The following QTGAL variants were observed in gnomAD, a reference collection of about 807,000 sequenced individuals.
QTGAL encodes the protein BGnT-like protein 1.
chr17:83,041,891 G>GT, the QTGAL span, among the ~76,000 whole-genome samples: 3 of 152,186 alleles, frequency 2.0e-5, no homozygotes, highest in Non-Finnish European at 4.4e-5. Context: ...GAAGAAGCAA[G>GT]TAAGAGATTC....
the QTGAL span, among the ~76,000 whole-genome samples, chr17:82,993,193 A>G: frequency 6.6e-6 from 1 of 152,180 alleles, no homozygotes; most frequent in African/African-American, 2.4e-5. Context: ...ATGGATTAAA[A>G]AACAAGACCC....
chr17:83,045,846 G>A, the QTGAL span, among the ~76,000 whole-genome samples: 2 of 145,228 alleles, frequency 1.4e-5, no homozygotes, highest in African/African-American at 5.7e-5. Context: ...ACGGAGTTTT[G>A]CTCTTGTTGC....
At chr17:83,007,502 A>T in the QTGAL span, among the ~76,000 whole-genome samples, 20,315 of 152,052 alleles carry the variant, frequency 0.13, 1,671 homozygotes, top group Admixed American at 0.19. Context: ...ACGTGAAGAC[A>T]GAGAGGCTCA....
At chr17:82,947,208 C>A in the QTGAL span, 3 of 532,728 alleles carry the variant, frequency 5.6e-6, no homozygotes, top group Non-Finnish European at 1.0e-5. Context: ...GAGGCCCCCC[C>A]TGCCTTCTGG....
chr17:82,969,145 A>G, the QTGAL span, among the ~76,000 whole-genome samples: 2 of 151,614 alleles, frequency 1.3e-5, no homozygotes, highest in South Asian at 2.1e-4. Context: ...AAAAAAAAAA[A>G]AAAAGAAAAG....
chr17:83,048,183 C>A, the QTGAL span, among the ~76,000 whole-genome samples: 1 of 152,172 alleles, frequency 6.6e-6, no homozygotes, highest in South Asian at 2.1e-4. Context: ...TGTGCCACTA[C>A]GCCCGGCTAA....
chr17:83,042,828 C>A, the QTGAL span, among the ~76,000 whole-genome samples: 1 of 152,302 alleles, frequency 6.6e-6, no homozygotes, highest in East Asian at 1.9e-4. Flanking sequence ...TCCAAAGGCA[C>A]AAGTAGGCTG....
At chr17:83,036,223 A>C in the QTGAL span, among the ~76,000 whole-genome samples, 1 of 152,236 alleles carries the variant, frequency 6.6e-6, no homozygotes, top group Non-Finnish European at 1.5e-5. Context: ...CCAGGGCTGT[A>C]CACACAGCGT....
chr17:83,023,166 C>G, the QTGAL span, among the ~76,000 whole-genome samples: 1 of 103,794 alleles, frequency 9.6e-6, no homozygotes, highest in African/African-American at 3.8e-5. Context: ...ATGAGCTTAG[C>G]ACTGTCCCCG....
At chr17:82,947,528 T>C in the QTGAL span, 2 of 152,840 alleles carry the variant, frequency 1.3e-5, no homozygotes, top group East Asian at 1.9e-4. Flanking sequence ...CCAGGTCACC[T>C]ACTCTCCTGT....
At chr17:82,986,884 T>C in the QTGAL span, among the ~76,000 whole-genome samples, 4 of 152,032 alleles carry the variant, frequency 2.6e-5, no homozygotes, top group Non-Finnish European at 4.4e-5. Context: ...GCACCCCTCA[T>C]GGGGTGCAGA....
the QTGAL span, among the ~76,000 whole-genome samples, chr17:82,956,542 G>A: frequency 0.03 from 4,568 of 152,318 alleles, 219 homozygotes; most frequent in African/African-American, 0.1. The surrounding 1 kb of genome is among the most constrained non-coding windows in gnomAD (Gnocchi z 5.7). Flanking sequence ...GGTCTGTGGT[G>A]CTGTTGTGGA....
the QTGAL span, among the ~76,000 whole-genome samples, chr17:83,000,753 G>A: frequency 6.6e-6 from 1 of 152,184 alleles, no homozygotes; most frequent in Non-Finnish European, 1.5e-5. Flanking sequence ...AAACCCAAGT[G>A]TACGTAGGCT....
the QTGAL span, chr17:82,981,795 A>T: frequency 6.6e-6 from 1 of 152,258 alleles, no homozygotes; most frequent in Non-Finnish European, 1.5e-5. Flanking sequence ...TGTTGACCGG[A>T]TGCCTTACCA....
the QTGAL span, chr17:83,014,472 G>A: frequency 7.4e-6 from 12 of 1,613,964 alleles, no homozygotes; most frequent in Admixed American, 1.7e-5. Flanking sequence ...GGTGCTGAAC[G>A]GCAGCCTCGT....
the QTGAL span, among the ~76,000 whole-genome samples, chr17:82,961,669 G>A: frequency 1.3e-5 from 2 of 152,232 alleles, no homozygotes; most frequent in African/African-American, 4.8e-5. Flanking sequence ...GAGCCCAGCA[G>A]TGGGGAGGCA....
the QTGAL span, among the ~76,000 whole-genome samples, chr17:83,038,539 A>G: frequency 1.3e-5 from 2 of 152,258 alleles, no homozygotes; most frequent in African/African-American, 4.8e-5. Context: ...AAAAGATGCA[A>G]AACTCTCTCT....
At chr17:83,011,921 C>T in the QTGAL span, among the ~76,000 whole-genome samples, 2 of 151,210 alleles carry the variant, frequency 1.3e-5, no homozygotes, top group African/African-American at 2.4e-5. Flanking sequence ...TATCCCAGCT[C>T]GTTTGAACAC....
chr17:82,971,119 G>A, the QTGAL span, among the ~76,000 whole-genome samples: 11 of 152,280 alleles, frequency 7.2e-5, no homozygotes, highest in Admixed American at 2.6e-4. Flanking sequence ...ACACAGCCAC[G>A]CTGGGGGTCA....
Sources: allele counts gnomAD v4.1 joint callset (sites outside exome capture counted in the v4.1 genomes callset), GRCh38; gene constraint gnomAD v4.1.1; non-coding constraint Gnocchi (gnomAD v3.1); transcripts MANE v1.5; gene names NCBI Gene and HGNC (gene_info 2026-07-23, HGNC 2026-07-21).